Variants in LRP1 observed in about 807,000 individuals in gnomAD.
LRP1 encodes the protein prolow-density lipoprotein receptor-related protein 1.
Under a neutral mutation model 541.5 loss-of-function variants are expected in LRP1, and 51 were observed. The observed-to-expected ratio is 0.09, with a 90% CI of 0.08 to 0.12. The LOEUF is 0.12. Among genes scored for constraint, LRP1 ranks in the 10% least tolerant of loss-of-function variants. LRP1 has a pLI of 1.00. For missense variants in LRP1, 3,878 were observed against 6,376.2 expected (o/e 0.61, Z 13.34); for synonymous variants, 2,219 against 2,470.8 (o/e 0.90, Z 3.02).
chr12:57,195,189 G>A, intron 51 of LRP1, 82 bp from the exon 52 acceptor site: 1 of 1,572,522 alleles, frequency 6.4e-7, no homozygotes, highest in South Asian at 1.1e-5. Context: ...CACCCCTGCA[G>A]ACGACGGCGA....
chr12:57,132,798 G>C lies in LRP1; in HGVS notation c.67+3767G>C, dbSNP rs542223625. 5.3e-5 allele frequency among the ~76,000 whole-genome samples: 8 copies of C among 152,102 alleles called. No homozygotes were observed. In the East Asian group the frequency reaches 1.4e-3, roughly 26 times the overall value. ...CCTGTCTCCATTTACCCCCATCCAG[G>C]CCTCTTGGTATCCCAAAAGCTTCTT... On this transcript the variant is annotated intron_variant, in intron 1 of 88. Coordinates refer to ENST00000243077, the MANE Select transcript of LRP1 (RefSeq NM_002332.3).
At chr12:57,175,855 T>A (rs1384651816) in intron 23 of LRP1, 54 bp from the exon 24 acceptor site, 2 of 1,598,270 alleles carry the variant, frequency 1.3e-6, no homozygotes, top group African/African-American at 2.7e-5. Flanking sequence ...CCAGGACGGG[T>A]GGCACACAGG....
chr12:57,209,331 C>T, intron 79 of LRP1, 132 bp downstream of exon 79: 1 of 740,816 alleles, frequency 1.3e-6, no homozygotes, highest in Non-Finnish European at 2.2e-6. Flanking sequence ...CAGCGCCTTC[C>T]AGGCCTCTCC....
chr12:57,195,247 C>A, intron 51 of LRP1, 24 bp from the exon 52 acceptor site: 1 of 1,611,104 alleles, frequency 6.2e-7, no homozygotes, highest in South Asian at 1.1e-5. Flanking sequence ...CTAAGTCTCT[C>A]AGTGGCCCTC....
At chr12:57,159,209 C>T (rs1392816255) in intron 11 of LRP1, among the ~76,000 whole-genome samples, 3 of 152,190 alleles carry the variant, frequency 2.0e-5, no homozygotes, top group Non-Finnish European at 4.4e-5. Flanking sequence ...GCCTCAGGAT[C>T]AGGCCGCCTC....
Position 57,209,796 on chromosome 12 carries a change from T to A in LRP1, c.12367T>A (p.Leu4123Met), listed in dbSNP as rs572351279. 4.3e-6 allele frequency: 7 copies of A among 1,614,090 alleles called. No individual in the cohort carries two copies. The highest frequency in any genetic ancestry group is 5.1e-6 in the Non-Finnish European group (6 of 1,180,020). The stretch of plus-strand genomic sequence containing the variant: ...GATCCATAAGTTTGGCCACAGCCCC[T>A]TGGTCAACCTGACAGGGGGCCTGAG... Reference protein sequence around the residue: ...FKIHKFGHSPLVNLTGGLSHA... With the variant: ...FKIHKFGHSPMVNLTGGLSHA... The change falls in exon 80 of 89, where the codon TTG becomes ATG. Residue 4123 changes from leucine to methionine, a missense_variant. By Grantham distance (15) the Leu-to-Met change is conservative (BLOSUM62 2). This residue lies in a region of LRP1 where 871 missense variants were observed against 1,212.4 expected (regional missense o/e 0.72). Transcript: ENST00000243077.
At position 57,201,734 on chromosome 12, in the gene LRP1, C is replaced by G; in HGVS notation, c.10469-46C>G. 1 of 1,609,158 alleles carries G rather than the reference C, an allele frequency of 6.2e-7. No individual in the cohort carries two copies. The highest frequency in any genetic ancestry group is 1.1e-5 in the South Asian group (1 of 90,626). On this transcript the variant is annotated intron_variant, in intron 66 of 88. Coordinates refer to ENST00000243077, the MANE Select transcript of LRP1 (RefSeq NM_002332.3). The surrounding 1 kb of genome is among the most constrained non-coding windows in gnomAD (Gnocchi z 6.4). ...TCACTCTCCCCACCCTCCCGGCACACTCCTGGAAGGAGTCTCATCCTCACC... is the reference window on the plus strand; with the variant it reads ...TCACTCTCCCCACCCTCCCGGCACAGTCCTGGAAGGAGTCTCATCCTCACC...
At position 57,210,362 on chromosome 12, in the gene LRP1, C is replaced by T. The variant is rs1399608216; in HGVS notation, c.12636C>T (p.Leu4212=). The T allele has an allele frequency of 6.3e-7, 1 of 1,599,470 alleles. No individual in the cohort carries two copies. Among genetic ancestry groups the T allele is most frequent in the African/African-American group, 1.3e-5 (1 of 74,520 alleles). The change falls in exon 82 of 89, where the codon CTC becomes CTT. Residue 4212 remains leucine, a synonymous_variant. Coordinates refer to ENST00000243077, the MANE Select transcript of LRP1 (RefSeq NM_002332.3). ...LQCFNGGSCF[L]NARRQPKCRC... ...GCTTCAACGGTGGCAGCTGTTTCCT[C>T]AATGCACGGAGGCAGCCCAAGTGCC...
intron 15 of LRP1, among the ~76,000 whole-genome samples, chr12:57,163,443 G>A (rs943102142): frequency 6.6e-6 from 1 of 152,052 alleles, no homozygotes; most frequent in African/African-American, 2.4e-5. Flanking sequence ...GCCAAGCGTG[G>A]TGGCAGGTGC....
intron 33 of LRP1, 52 bp from the exon 34 acceptor site, chr12:57,181,105 G>T (rs1429357186): frequency 4.4e-6 from 7 of 1,589,806 alleles, no homozygotes; most frequent in Non-Finnish European, 6.0e-6. Context: ...TGACCCTGAG[G>T]TCCCAAGGAG....
intron 2 of LRP1, 44 bp downstream of exon 2, chr12:57,138,625 T>A: frequency 6.2e-7 from 1 of 1,605,900 alleles, no homozygotes; most frequent in South Asian, 1.1e-5. Flanking sequence ...CCTTAACTTA[T>A]CCCTCTTCCT....
At chr12:57,175,805 C>A in intron 23 of LRP1, 100 bp downstream of exon 23, 2 of 1,561,408 alleles carry the variant, frequency 1.3e-6, no homozygotes, top group Non-Finnish European at 1.7e-6. Flanking sequence ...AGTTTTCCAC[C>A]CTAGCCCCCA....
chr12:57,177,192 G>C lies in LRP1; in HGVS notation c.4143G>C (p.Leu1381=). 1 of 1,614,250 alleles carries C rather than the reference G, an allele frequency of 6.2e-7. No individual in the cohort carries two copies. The change falls in exon 25 of 89, where the codon CTG becomes CTC. Residue 1381 remains leucine (L), a synonymous_variant. Coordinates refer to ENST00000243077, the MANE Select transcript of LRP1 (RefSeq NM_002332.3). The surrounding 1 kb of genome is among the most constrained non-coding windows in gnomAD (Gnocchi z 6.8). ...AKLDGTLRTT[L]LAGDIEHPRA... The stretch of plus-strand genomic sequence containing the variant: ...TGGATGGGACCCTCCGGACCACCCT[G>C]CTGGCCGGTGACATTGAGCACCCAA...
rs1478079074 is a variant in LRP1, at chr12:57,154,722, G to A, written c.1227+21G>A. The A allele has an allele frequency of 6.5e-7, 1 of 1,548,470 alleles. No homozygotes were observed. Among genetic ancestry groups the A allele is most frequent in the South Asian group, 1.2e-5 (1 of 84,072 alleles). ...TCCTGGTGAGGGAGCTACTGTCTGA[G>A]GTTTTGTGGGGGAACCATGATCCAG... On this transcript the variant is annotated intron_variant, in intron 8 of 88. Coordinates refer to ENST00000243077, the MANE Select transcript of LRP1 (RefSeq NM_002332.3). The surrounding 1 kb of genome is among the most constrained non-coding windows in gnomAD (Gnocchi z 4.6).
At chr12:57,210,947 A>T in intron 83 of LRP1, 68 bp downstream of exon 83, 1 of 1,549,758 alleles carries the variant, frequency 6.5e-7, no homozygotes, top group South Asian at 1.2e-5. Context: ...GCATGGGGTG[A>T]TGTTCAACCT....
rs75882617 is a variant in LRP1, at chr12:57,172,508, G to A, written c.3164-660G>A. 2.4e-3 allele frequency among the ~76,000 whole-genome samples: 371 copies of A among 152,210 alleles called. 7 individuals carry two copies. In the East Asian group the frequency reaches 0.054, roughly 22 times the overall value. On this transcript the variant is annotated intron_variant, in intron 20 of 88. Coordinates refer to ENST00000243077, the MANE Select transcript of LRP1 (RefSeq NM_002332.3). ...TGAAGTGCTGGCGTAGTCCTATCTC[G>A]GAGATGAGACTTTGCAGCGGCTGTT...
intron 1 of LRP1, among the ~76,000 whole-genome samples, chr12:57,137,131 C>A (rs1349357379): frequency 6.6e-6 from 1 of 151,822 alleles, no homozygotes; most frequent in African/African-American, 2.4e-5. Context: ...ATCCCAGCTA[C>A]TCTGGAGGCT....
chr12:57,130,738 A>G (rs1352957579), intron 1 of LRP1, among the ~76,000 whole-genome samples: 1 of 152,136 alleles, frequency 6.6e-6, no homozygotes, highest in Non-Finnish European at 1.5e-5. Flanking sequence ...GACCCCAGAT[A>G]GCATCACTCC....
chr12:57,169,089 G>T, intron 19 of LRP1, 51 bp from the exon 20 acceptor site: 2 of 1,538,310 alleles, frequency 1.3e-6, no homozygotes, highest in South Asian at 1.2e-5. Context: ...CACAGAGAAG[G>T]CTGCTCCACC....
Sources: allele counts gnomAD v4.1 joint callset (sites outside exome capture counted in the v4.1 genomes callset), GRCh38; gene constraint gnomAD v4.1.1; regional missense constraint gnomAD v4.1.1; non-coding constraint Gnocchi (gnomAD v3.1); transcripts MANE v1.5; gene names NCBI Gene and HGNC (gene_info 2026-07-23, HGNC 2026-07-21).